Variants in TRIM45 observed in about 807,000 individuals in gnomAD.
TRIM45 encodes E3 ubiquitin-protein ligase TRIM45.
TRIM45 carries 45 observed loss-of-function variants against 46.7 expected under a neutral mutation model. The ratio of observed to expected loss-of-function variants is 0.96; its 90% confidence interval spans 0.76 to 1.24. TRIM45 has a LOEUF of 1.24. TRIM45 is among the 50% of genes most tolerant of loss of function. TRIM45 has a pLI of 0.00. For missense variants in TRIM45, 680 were observed against 728.4 expected (o/e 0.93, Z 0.77); for synonymous variants, 259 against 285.8 (o/e 0.91, Z 0.94).
upstream of TRIM45, chr1:117,121,916 C>G: frequency 1.4e-6 from 1 of 702,796 alleles, no homozygotes; most frequent in South Asian, 1.5e-5. This position sits in a 1 kb window ranked among gnomAD's most constrained non-coding sequence, Gnocchi z 4.2. Flanking sequence ...ACGCGGGGGG[C>G]GGGACCTGAC....
chr1:117,121,821 C>T (rs940715079), upstream of TRIM45: 5 of 712,074 alleles, frequency 7.0e-6, no homozygotes, highest in Non-Finnish European at 1.3e-5. The surrounding 1 kb of genome is among the most constrained non-coding windows in gnomAD (Gnocchi z 4.2). Flanking sequence ...GCGGCCCTCG[C>T]CGCTCCGGGC....
Position 117,118,281 on chromosome 1 carries a change from C to T in TRIM45, c.975G>A (p.Arg325=). Reference sequence around the variant, plus strand: ...AGTGCTCGGTGAACTCCACTCCAGTCCGCATGTCTGCCAGTAACTGTTCCA... The same window carrying T: ...AGTGCTCGGTGAACTCCACTCCAGTTCGCATGTCTGCCAGTAACTGTTCCA... ...AQLEQLLADM[R]TGVEFTEHLL... is the part of the protein sequence containing the mutation. Residue 325 remains arginine (R), a synonymous_variant, in exon 2 of 6, where the codon CGG becomes CGA. Coordinates refer to ENST00000256649, the MANE Select transcript of TRIM45 (RefSeq NM_025188.4). This position sits in a 1 kb window ranked among gnomAD's most constrained non-coding sequence, Gnocchi z 5.7. The T allele has an allele frequency of 1.2e-6, 2 of 1,614,206 alleles. No individual in the cohort carries two copies. Among genetic ancestry groups the T allele is most frequent in the Non-Finnish European group, 1.7e-6 (2 of 1,180,038 alleles).
rs1193486055 is a variant in TRIM45 at position 117,115,907 on chromosome 1, ATAT to A, written c.1353-221_1353-219del. ...TGATATTCAGACAAATTCCTTGAAT[ATAT>A]TATTGTGTCCTTTTCAACAGGCTTC... On this transcript the variant is annotated intron_variant, in intron 3 of 5. Transcript: ENST00000256649. This position sits in a 1 kb window ranked among gnomAD's most constrained non-coding sequence, Gnocchi z 4.2. Among the ~76,000 whole-genome samples the A allele has an allele frequency of 2.0e-5, 3 of 152,232 alleles. No individual in the cohort carries two copies. Among genetic ancestry groups the A allele is most frequent in the Non-Finnish European group, 4.4e-5 (3 of 68,046 alleles).
Position 117,116,825 on chromosome 1 carries a change from A to G in TRIM45, c.1223-80T>C, listed in dbSNP as rs1162143173. On this transcript the variant is annotated intron_variant, in intron 2 of 5. Coordinates refer to ENST00000256649, the MANE Select transcript of TRIM45 (RefSeq NM_025188.4). This position sits in a 1 kb window ranked among gnomAD's most constrained non-coding sequence, Gnocchi z 4.6. Reference sequence around the variant, plus strand: ...TCTCCATCTTGCTTTTTCTCTTCAGAACAAAGGGTTGTACTTTACTGTAAC... The same window carrying G: ...TCTCCATCTTGCTTTTTCTCTTCAGGACAAAGGGTTGTACTTTACTGTAAC... 2.5e-6 allele frequency: 4 copies of G among 1,588,826 alleles called. No homozygotes were observed. Among genetic ancestry groups the G allele is most frequent in the Non-Finnish European group, 3.4e-6 (4 of 1,163,600 alleles).
Position 117,118,597 on chromosome 1 carries a change from C to T in TRIM45, c.659G>A (p.Arg220Gln), listed in dbSNP as rs755373024. ...VCQDCVVGEH[R>Q]EHPCDFTSNV... The stretch of plus-strand genomic sequence containing the variant: ...GCTGGTGAAGTCACAGGGGTGTTCC[C>T]GATGCTCCCCCACCACACAATCCTG... Residue 220 changes from arginine to glutamine, a missense_variant, in exon 2 of 6, where the codon CGG becomes CAG. Around this residue, in one of 3 missense-constraint regions of TRIM45, gnomAD observed 349 missense variants for 343.6 expected, o/e 1.02. Coordinates refer to ENST00000256649, the MANE Select transcript of TRIM45 (RefSeq NM_025188.4). This position sits in a 1 kb window ranked among gnomAD's most constrained non-coding sequence, Gnocchi z 5.7. The T allele has an allele frequency of 7.4e-6, 12 of 1,614,024 alleles. No individual in the cohort carries two copies. The highest frequency in any genetic ancestry group is 4.4e-5 in the South Asian group (4 of 91,078).
In TRIM45 at chr1:117,115,477, A is replaced by C. The variant is rs1423913190; in HGVS notation, c.1467+98T>G. On this transcript the variant is annotated intron_variant, in intron 4 of 5. Transcript: ENST00000256649. The surrounding 1 kb of genome is among the most constrained non-coding windows in gnomAD (Gnocchi z 4.2). ...GTGAAGAAGAAGACATGGGGATTCT[A>C]TTCAATCTCTCTGTATAGCTGATCC... The C allele has an allele frequency of 1.2e-6, 1 of 855,444 alleles. No homozygotes were observed. Among genetic ancestry groups the C allele is most frequent in the African/African-American group, 1.7e-5 (1 of 59,292 alleles). 53.0% of individuals were successfully genotyped at this position (855,444 alleles called of 1,614,324 possible). A position where few individuals can be genotyped will look rare whatever the true frequency, so the allele number is the denominator to read the frequency against.
In TRIM45 at chr1:117,112,195, G is replaced by A; in HGVS notation, c.*110C>T. 1 of 1,160,562 alleles carries A rather than the reference G, an allele frequency of 8.6e-7. No individual in the cohort carries two copies. The highest frequency in any genetic ancestry group is 1.1e-6 in the Non-Finnish European group (1 of 887,900). 71.9% of individuals were successfully genotyped at this position (1,160,562 alleles called of 1,614,324 possible). A position where few individuals can be genotyped will look rare whatever the true frequency, so the allele number is the denominator to read the frequency against. ...GCACTTGAACTCCAGTGCAAGATAA[G>A]GCACTTTGTTTTTAATTCTATCAGT... is the stretch of plus-strand genomic sequence containing the variant. On this transcript the variant is annotated 3_prime_UTR_variant, in exon 6 of 6. Transcript: ENST00000256649.
chr1:117,119,992 C>T (rs574021589), intron 1 of TRIM45, among the ~76,000 whole-genome samples: 251 of 152,288 alleles, frequency 1.6e-3, no homozygotes, highest in Non-Finnish European at 3.0e-3. Context: ...ATTTTATATT[C>T]TGGTGTCCTA....
rs1288320336 is a variant in TRIM45 at position 117,113,066 on chromosome 1, C to G, written c.1594+293G>C. On this transcript the variant is annotated intron_variant, in intron 5 of 5. Coordinates refer to ENST00000256649, the MANE Select transcript of TRIM45 (RefSeq NM_025188.4). This position sits in a 1 kb window ranked among gnomAD's most constrained non-coding sequence, Gnocchi z 4.0. ...AGATGGGTCCATAGTTTTCACACTG[C>G]TTAGGCCGCTGGAAAGGGACAGACA... Among the ~76,000 whole-genome samples, 1 of 152,228 alleles carries G rather than the reference C, an allele frequency of 6.6e-6. No homozygotes were observed. The highest frequency in any genetic ancestry group is 1.5e-5 in the Non-Finnish European group (1 of 68,034).
At chr1:117,114,858 T>C (rs1650339628) in intron 4 of TRIM45, among the ~76,000 whole-genome samples, 1 of 152,222 alleles carries the variant, frequency 6.6e-6, no homozygotes, top group Non-Finnish European at 1.5e-5. Flanking sequence ...TATATCATGA[T>C]GCTATATGGT....
intron 4 of TRIM45, among the ~76,000 whole-genome samples, chr1:117,114,281 T>A (rs1001082581): frequency 6.6e-6 from 1 of 152,224 alleles, no homozygotes; most frequent in Non-Finnish European, 1.5e-5. Context: ...ATAACTTTCG[T>A]TCTCTAATTT....
chr1:117,113,328 A>G lies in TRIM45; in HGVS notation c.1594+31T>C. 6.2e-7 allele frequency: 1 copy of G among 1,607,508 alleles called. No homozygotes were observed. The highest frequency in any genetic ancestry group is 1.1e-5 in the South Asian group (1 of 90,658). ...GTCGCTTGATTCCCACTGCTGGCAG[A>G]AAGGCCCAGAGGGTAGTGCTTTCTC... On this transcript the variant is annotated intron_variant, in intron 5 of 5. Coordinates refer to ENST00000256649, the MANE Select transcript of TRIM45 (RefSeq NM_025188.4). This position sits in a 1 kb window ranked among gnomAD's most constrained non-coding sequence, Gnocchi z 4.0.
Position 117,113,296 on chromosome 1 carries a change from AG to A in TRIM45, c.1594+62del. On this transcript the variant is annotated intron_variant, in intron 5 of 5. Transcript: ENST00000256649. The surrounding 1 kb of genome is among the most constrained non-coding windows in gnomAD (Gnocchi z 4.0). Reference sequence around the variant, plus strand: ...ATGTCTAGTGGCTGTGTGGTAGGGAAGGGCCCGTCGCTTGATTCCCACTGCT... The same window carrying A: ...ATGTCTAGTGGCTGTGTGGTAGGGAAGGCCCGTCGCTTGATTCCCACTGCT... The A allele has an allele frequency of 6.3e-7, 1 of 1,588,944 alleles. No individual in the cohort carries two copies.
Position 117,116,836 on chromosome 1 carries a change from G to A in TRIM45, c.1223-91C>T, listed in dbSNP as rs532738547. The stretch of plus-strand genomic sequence containing the variant: ...CTTTTTCTCTTCAGAACAAAGGGTT[G>A]TACTTTACTGTAACCACCCTGGGTC... On this transcript the variant is annotated intron_variant, in intron 2 of 5. Coordinates refer to ENST00000256649, the MANE Select transcript of TRIM45 (RefSeq NM_025188.4). The surrounding 1 kb of genome is among the most constrained non-coding windows in gnomAD (Gnocchi z 4.6). 9.0e-6 allele frequency: 14 copies of A among 1,549,178 alleles called. No individual in the cohort carries two copies. The highest frequency in any genetic ancestry group is 1.2e-5 in the Non-Finnish European group (14 of 1,137,744).
chr1:117,121,192 T>A lies in TRIM45; in HGVS notation c.10A>T (p.Asn4Tyr). Residue 4 changes from asparagine to tyrosine, a missense_variant, in exon 1 of 6, where the codon AAC (asparagine) becomes TAC (tyrosine). By Grantham distance (143) the Asn-to-Tyr change is moderately radical. Around this residue, in one of 3 missense-constraint regions of TRIM45, gnomAD observed 349 missense variants for 343.6 expected, o/e 1.02. Transcript: ENST00000256649. This position sits in a 1 kb window ranked among gnomAD's most constrained non-coding sequence, Gnocchi z 4.2. Reference protein sequence around the residue: MSENRKPLLGFVSK... With the variant: MSEYRKPLLGFVSK... The stretch of plus-strand genomic sequence containing the variant: ...ACAAAGCCCAGCAGCGGTTTTCTGT[T>A]TTCTGACATACTCCTCACGTTTGTG... The A allele has an allele frequency of 6.4e-7, 1 of 1,552,982 alleles. No individual in the cohort carries two copies.
chr1:117,121,739 C>T lies in TRIM45; in HGVS notation c.-538G>A, dbSNP rs1650647193. 5 of 623,138 alleles carry T rather than the reference C, an allele frequency of 8.0e-6. No individual in the cohort carries two copies. The highest frequency in any genetic ancestry group is 1.5e-5 in the Non-Finnish European group (5 of 339,756). The allele number at this position is 623,138 out of a possible 1,614,324, so 38.6% of individuals were successfully genotyped here. The stretch of plus-strand genomic sequence containing the variant: ...CCCGCGCCTCGGCCCGGGACGCCCG[C>T]GGGCTCTGGCCCCTCCTCACACCAA... On this transcript the variant is annotated 5_prime_UTR_variant, in exon 1 of 6. Transcript: ENST00000256649. The surrounding 1 kb of genome is among the most constrained non-coding windows in gnomAD (Gnocchi z 4.2).
In TRIM45 at chr1:117,112,473, A is replaced by G. The variant is rs1457276703; in HGVS notation, c.1595-20T>C. 5 of 1,592,824 alleles carry G rather than the reference A, an allele frequency of 3.1e-6. No homozygotes were observed. Among genetic ancestry groups the G allele is most frequent in the Middle Eastern group, 1.7e-4 (1 of 5,940 alleles). On this transcript the variant is annotated intron_variant, in intron 5 of 5. Coordinates refer to ENST00000256649, the MANE Select transcript of TRIM45 (RefSeq NM_025188.4). Reference sequence around the variant, plus strand: ...ACCCACCTACATGGGACAAAGAGGAAAGGACAAAAATCAACCATTAGCGTG... The same window carrying G: ...ACCCACCTACATGGGACAAAGAGGAGAGGACAAAAATCAACCATTAGCGTG...
At chr1:117,120,273 A>T (rs1008627741) in intron 1 of TRIM45, among the ~76,000 whole-genome samples, 1 of 152,246 alleles carries the variant, frequency 6.6e-6, no homozygotes, top group African/African-American at 2.4e-5. Context: ...CAACTGTAGG[A>T]CCTTGGCAAA....
chr1:117,116,792 T>G lies in TRIM45; in HGVS notation c.1223-47A>C. 1 of 1,609,704 alleles carries G rather than the reference T, an allele frequency of 6.2e-7. No individual in the cohort carries two copies. Among genetic ancestry groups the G allele is most frequent in the East Asian group, 2.2e-5 (1 of 44,720 alleles). ...TCCTCACCTCGAATGTAAACTGCAG[T>G]GACTACATCTCCATCTTGCTTTTTC... On this transcript the variant is annotated intron_variant, in intron 2 of 5. Coordinates refer to ENST00000256649, the MANE Select transcript of TRIM45 (RefSeq NM_025188.4). This position sits in a 1 kb window ranked among gnomAD's most constrained non-coding sequence, Gnocchi z 4.6.
Sources: gnomAD v4.1 joint callset for allele counts (sites outside exome capture counted in the v4.1 genomes callset) on GRCh38, gnomAD v4.1.1 for gene constraint, gnomAD v4.1.1 regional missense constraint, Gnocchi (gnomAD v3.1) non-coding constraint, MANE v1.5 for transcripts, NCBI Gene and HGNC (gene_info 2026-07-23, HGNC 2026-07-21) for gene names.